The following SYNPO2 variants were observed in gnomAD, a reference collection of about 807,000 sequenced individuals.
SYNPO2 encodes the protein synaptopodin-2.
A neutral mutation model predicts 85.0 loss-of-function variants in SYNPO2; 56 were observed. That is an observed-to-expected ratio of 0.66 (90% CI 0.53 to 0.82). The LOEUF (loss-of-function observed/expected upper bound fraction) is 0.82, where lower values mean the gene tolerates loss of function less well. Ranked by LOEUF, SYNPO2 falls within the 40% of genes least tolerant of loss-of-function variation. The pLI is 0.00. For missense variants in SYNPO2, 1,575 were observed against 1,534.2 expected (o/e 1.03, Z -0.44); for synonymous variants, 602 against 591.1 (o/e 1.02, Z -0.27).
intron 1 of SYNPO2, among the ~76,000 whole-genome samples, chr4:119,022,071 A>G (rs1038925000): frequency 1.3e-5 from 2 of 152,090 alleles, no homozygotes; most frequent in East Asian, 3.9e-4. Context: ...TGCCTGGAGT[A>G]GCTGATTTCA....
chr4:118,944,406 G>A (rs1423500757), intron 1 of SYNPO2, among the ~76,000 whole-genome samples: 1 of 151,882 alleles, frequency 6.6e-6, no homozygotes, highest in Non-Finnish European at 1.5e-5. Context: ...ATTATTTTTG[G>A]AATATCTACA....
intron 1 of SYNPO2, among the ~76,000 whole-genome samples, chr4:118,960,323 A>G (rs778515652): frequency 4.5e-4 from 68 of 152,340 alleles, no homozygotes; most frequent in Non-Finnish European, 7.9e-4. Context: ...AGAGAAATGC[A>G]AATTAAAATA....
chr4:119,012,393 T>TTTTTTTTTTTTTTTTTTTTA (rs1553946399), intron 1 of SYNPO2, among the ~76,000 whole-genome samples: 2 of 130,822 alleles, frequency 1.5e-5, no homozygotes, highest in Non-Finnish European at 3.3e-5. Context: ...TTTTTTTTTT[T>TTTTTTTTTTTTTTTTTTTTA]ATTTTACTTT....
intron 1 of SYNPO2, among the ~76,000 whole-genome samples, chr4:118,942,701 G>A (rs78448537): frequency 0.032 from 4,897 of 152,188 alleles, 143 homozygotes; most frequent in East Asian, 0.14. Context: ...GGCAATGACC[G>A]GAGACATTGT....
At chr4:118,886,936 T>C (rs1732208334), upstream of SYNPO2, among the ~76,000 whole-genome samples, 1 of 152,122 alleles carries the variant, frequency 6.6e-6, no homozygotes, top group Non-Finnish European at 1.5e-5. Flanking sequence ...CTGTGTAAAA[T>C]GTTCATTGTA....
chr4:118,868,044 C>T (rs1731731841), intron 1 of SYNPO2, among the ~76,000 whole-genome samples: 1 of 125,976 alleles, frequency 7.9e-6, no homozygotes, highest in Non-Finnish European at 1.7e-5. Context: ...CCCCTCCTTT[C>T]ATTTAAAAAA....
chr4:119,027,042 A>G lies in SYNPO2; in HGVS notation c.673A>G (p.Lys225Glu). ...LVALPGAEKS[K>E]SPDPDPNLSH... is the part of the protein sequence containing the mutation. ...GGCTCTCCCGGGAGCTGAAAAATCT[A>G]AGTCTCCTGACCCAGACCCTAACTT... Residue 225 changes from lysine (K) to glutamate (E), a missense_variant, in exon 3 of 5, where the codon AAG (lysine) becomes GAG (glutamate). Lys to Glu is a moderately conservative substitution (Grantham distance 56, BLOSUM62 1). Around this residue, in one of 3 missense-constraint regions of SYNPO2, gnomAD observed 1,508 missense variants for 1,446.8 expected, o/e 1.04. Coordinates refer to ENST00000307142, the MANE Select transcript of SYNPO2 (RefSeq NM_133477.3). 2.5e-6 allele frequency: 4 copies of G among 1,614,090 alleles called. No individual in the cohort carries two copies. The highest frequency in any genetic ancestry group is 3.4e-6 in the Non-Finnish European group (4 of 1,180,012).
chr4:118,885,177 A>G (rs796496120), upstream of SYNPO2, among the ~76,000 whole-genome samples: 25 of 152,346 alleles, frequency 1.6e-4, no homozygotes, highest in African/African-American at 4.8e-4. Flanking sequence ...GTAAGCAACA[A>G]GGTGGAAGAA....
intron 1 of SYNPO2, among the ~76,000 whole-genome samples, chr4:118,978,805 A>G (rs1420750096): frequency 9.4e-6 from 1 of 106,162 alleles, no homozygotes; most frequent in Non-Finnish European, 2.3e-5. Context: ...ACACACACAC[A>G]CACACACACA....
At chr4:118,919,104 A>T (rs1733450259) in intron 1 of SYNPO2, among the ~76,000 whole-genome samples, 1 of 152,198 alleles carries the variant, frequency 6.6e-6, no homozygotes, top group Non-Finnish European at 1.5e-5. Context: ...TGATTCAGTC[A>T]TGTGCACAAG....
chr4:118,942,174 C>T (rs1023173523), intron 1 of SYNPO2, among the ~76,000 whole-genome samples: 25 of 152,290 alleles, frequency 1.6e-4, no homozygotes, highest in African/African-American at 5.8e-4. Flanking sequence ...CCTTTCTATT[C>T]CATCAAAATA....
chr4:119,028,195 T>C (rs1399944717), intron 3 of SYNPO2, among the ~76,000 whole-genome samples: 2 of 151,546 alleles, frequency 1.3e-5, no homozygotes, highest in Non-Finnish European at 2.9e-5. Context: ...GGATTTCTAT[T>C]GTTTTATTTC....
intron 4 of SYNPO2, chr4:119,034,747 C>T (rs1423110237): frequency 2.0e-6 from 2 of 985,386 alleles, no homozygotes; most frequent in Admixed American, 6.1e-5. Flanking sequence ...ATTTGCTTTC[C>T]CTGTCTGCCC....
intron 1 of SYNPO2, among the ~76,000 whole-genome samples, chr4:118,859,855 T>G (rs1274696120): frequency 6.6e-6 from 1 of 152,228 alleles, no homozygotes; most frequent in Non-Finnish European, 1.5e-5. Context: ...TTTTGGCTAT[T>G]GTGAATAGTG....
intron 1 of SYNPO2, among the ~76,000 whole-genome samples, chr4:118,896,521 T>C (rs1416138246): frequency 1.3e-5 from 2 of 152,218 alleles, no homozygotes. Flanking sequence ...AAGACTCATC[T>C]CAGAAAGAAA....
chr4:119,019,447 T>G (rs1050494814), intron 1 of SYNPO2, among the ~76,000 whole-genome samples: 1 of 152,194 alleles, frequency 6.6e-6, no homozygotes, highest in East Asian at 1.9e-4. Context: ...ACGCAGGTAT[T>G]TTGTGTCAAA....
intron 1 of SYNPO2, among the ~76,000 whole-genome samples, chr4:118,997,703 G>A (rs974009051): frequency 6.6e-6 from 1 of 152,208 alleles, no homozygotes; most frequent in Non-Finnish European, 1.5e-5. Flanking sequence ...CAAATCTTTA[G>A]TCTGGCTGCC....
At chr4:119,026,528 A>G (rs1191333070) in intron 2 of SYNPO2, 99 bp from the exon 3 acceptor site, 7 of 1,269,002 alleles carry the variant, frequency 5.5e-6, no homozygotes, top group Non-Finnish European at 4.3e-6. Context: ...AAATATTTTG[A>G]CTATATCACA....
At chr4:118,959,797 C>CT (rs1326187714) in intron 1 of SYNPO2, among the ~76,000 whole-genome samples, 5 of 103,180 alleles carry the variant, frequency 4.8e-5, no homozygotes, top group African/African-American at 1.5e-4. Flanking sequence ...AGGCTCTATC[C>CT]TTTGTCTTTT....
Sources: allele counts gnomAD v4.1 joint callset (sites outside exome capture counted in the v4.1 genomes callset), GRCh38; gene constraint gnomAD v4.1.1; regional missense constraint gnomAD v4.1.1; transcripts MANE v1.5; gene names NCBI Gene and HGNC (gene_info 2026-07-23, HGNC 2026-07-21).